The following IL12RB2 variants were observed in gnomAD, a reference collection of about 807,000 sequenced individuals.
IL12RB2 encodes the protein interleukin-12 receptor subunit beta-2.
Under a neutral mutation model 89.4 loss-of-function variants are expected in IL12RB2, and 82 were observed. The ratio of observed to expected loss-of-function variants is 0.92; its 90% CI spans 0.77 to 1.10. The LOEUF (loss-of-function observed/expected upper bound fraction) is 1.10. Ranked by LOEUF, IL12RB2 falls within the 50% of genes least tolerant of loss-of-function variation. The probability of loss-of-function intolerance (pLI) is 0.00; values close to 1 mark genes in which losing one functional copy is unlikely to be tolerated. For missense variants in IL12RB2, 963 were observed against 1,031.9 expected (o/e 0.93, Z 0.92); for synonymous variants, 368 against 370.1 (o/e 0.99, Z 0.07).
rs953951923 is a variant in IL12RB2, at chr1:67,398,090, G to A, written c.*2001G>A. On this transcript the variant is annotated 3_prime_UTR_variant, in exon 17 of 17. Coordinates refer to ENST00000674203, the MANE Select transcript of IL12RB2 (RefSeq NM_001374259.2). Reference sequence around the variant, plus strand: ...CAGGCTTTTTTTGAAAAGTTCCTTCGTTTCTATTTCTATTCCACTCTATTT... The same window carrying A: ...CAGGCTTTTTTTGAAAAGTTCCTTCATTTCTATTTCTATTCCACTCTATTT... Among the ~76,000 whole-genome samples the A allele has an allele frequency of 7.9e-5, 12 of 151,912 alleles. No homozygotes were observed. Among genetic ancestry groups the A allele is most frequent in the Admixed American group, 2.0e-4 (3 of 15,236 alleles).
intron 10 of IL12RB2, among the ~76,000 whole-genome samples, chr1:67,360,924 C>A (rs1332050394): frequency 1.3e-5 from 2 of 152,080 alleles, no homozygotes; most frequent in Non-Finnish European, 2.9e-5. Flanking sequence ...AGGAACATAT[C>A]TAATTCCATC....
chr1:67,341,478 G>A, intron 9 of IL12RB2, among the ~76,000 whole-genome samples: 1 of 50,614 alleles, frequency 2.0e-5, no homozygotes, highest in Non-Finnish European at 5.6e-5. Flanking sequence ...GAAGGAAGGA[G>A]AAAGAGAAAA....
Position 67,390,124 on chromosome 1 carries a change from C to A in IL12RB2, c.2042C>A (p.Ala681Glu). The A allele has an allele frequency of 9.0e-7, 1 of 1,113,538 alleles. No homozygotes were observed. The highest frequency in any genetic ancestry group is 1.4e-6 in the Non-Finnish European group (1 of 722,032). The allele number at this position is 1,113,538 out of a possible 1,614,324, so 69.0% of individuals were successfully genotyped here. ...ACTTGCGCTAAGAAATATCCCATTG[C>A]AGAGGTAAGGTACAATTCCTCTGTG... ...NSTCAKKYPI[A>E]EEKTQLPLDR... The change falls in exon 16 of 17, where the codon GCA (alanine) becomes GAA (glutamate). Residue 681 changes from alanine (A) to glutamate (E), a missense_variant. Coordinates refer to ENST00000674203, the MANE Select transcript of IL12RB2 (RefSeq NM_001374259.2).
intron 3 of IL12RB2, among the ~76,000 whole-genome samples, chr1:67,321,093 G>A (rs377508498): frequency 1.1e-4 from 17 of 151,912 alleles, no homozygotes; most frequent in African/African-American, 3.9e-4. Context: ...GACAGGGTCT[G>A]GCTCTGTTGC....
chr1:67,376,342 G>A (rs896708201), intron 13 of IL12RB2, among the ~76,000 whole-genome samples: 1 of 152,184 alleles, frequency 6.6e-6, no homozygotes, highest in African/African-American at 2.4e-5. Flanking sequence ...TACGCTTTGT[G>A]AAATCCAATG....
chr1:67,311,949 T>C (rs1459896625), intron 1 of IL12RB2, among the ~76,000 whole-genome samples: 1 of 152,210 alleles, frequency 6.6e-6, no homozygotes, highest in Non-Finnish European at 1.5e-5. Flanking sequence ...GCCAGGACTT[T>C]GCAATACCCA....
At chr1:67,394,302 G>A (rs939282475) in intron 16 of IL12RB2, among the ~76,000 whole-genome samples, 2 of 152,090 alleles carry the variant, frequency 1.3e-5, no homozygotes, top group African/African-American at 4.8e-5. Context: ...AGATCAGGCA[G>A]CCAGTGTGTA....
intron 8 of IL12RB2, among the ~76,000 whole-genome samples, chr1:67,333,789 C>T (rs1300639010): frequency 6.6e-6 from 1 of 152,202 alleles, no homozygotes; most frequent in East Asian, 1.9e-4. Flanking sequence ...GGTGTCCAGA[C>T]ATGCCTGAGA....
At chr1:67,385,110 T>C (rs1665000305) in intron 14 of IL12RB2, among the ~76,000 whole-genome samples, 1 of 152,212 alleles carries the variant, frequency 6.6e-6, no homozygotes, top group African/African-American at 2.4e-5. Context: ...ATGGTACCAA[T>C]TTACTTACTA....
chr1:67,355,875 C>T (rs1661339594), intron 10 of IL12RB2, among the ~76,000 whole-genome samples: 1 of 152,162 alleles, frequency 6.6e-6, no homozygotes, highest in Non-Finnish European at 1.5e-5. Flanking sequence ...TAGGTTGGTT[C>T]CTGGCAAGTG....
chr1:67,319,010 A>G (rs1354510789), intron 2 of IL12RB2, among the ~76,000 whole-genome samples: 3 of 152,230 alleles, frequency 2.0e-5, no homozygotes, highest in Non-Finnish European at 4.4e-5. Flanking sequence ...AATGATGGCT[A>G]GGCTAGAGGT....
rs752499097 is a variant in IL12RB2 at position 67,321,660 on chromosome 1, C to T, written c.135C>T (p.Ser45=). The T allele has an allele frequency of 6.2e-7, 1 of 1,601,074 alleles. No individual in the cohort carries two copies. Among genetic ancestry groups the T allele is most frequent in the Non-Finnish European group, 8.6e-7 (1 of 1,168,164 alleles). The stretch of plus-strand genomic sequence containing the variant: ...CTTCCCATGTAATTTTACTTGGATC[C>T]ACTGTCAATATTACATGCTCTTTGA... The part of the protein sequence containing the change: ...VKPSHVILLG[S]TVNITCSLKP... Residue 45 remains serine, a synonymous_variant, in exon 4 of 17, where the codon TCC becomes TCT. Transcript: ENST00000674203.
intron 2 of IL12RB2, among the ~76,000 whole-genome samples, chr1:67,318,221 G>A (rs554314395): frequency 2.0e-4 from 31 of 152,332 alleles, no homozygotes; most frequent in African/African-American, 7.5e-4. Context: ...AAATGTAAGC[G>A]ATGATGGCAA....
intron 14 of IL12RB2, among the ~76,000 whole-genome samples, chr1:67,386,201 T>A (rs1412613717): frequency 3.6e-5 from 3 of 84,050 alleles, no homozygotes; most frequent in Non-Finnish European, 6.2e-5. Context: ...ACAGTGAGAC[T>A]CCATCTCAAA....
intron 11 of IL12RB2, 30 bp downstream of exon 11, chr1:67,368,055 G>T: frequency 2.9e-6 from 4 of 1,384,654 alleles, no homozygotes; most frequent in Non-Finnish European, 4.1e-6. Flanking sequence ...CCTTCTAGAG[G>T]GTTACTAAGT....
chr1:67,374,777 CTTTTTTTTTTTT>C (rs35122967), intron 13 of IL12RB2, among the ~76,000 whole-genome samples: 21 of 53,840 alleles, frequency 3.9e-4, no homozygotes, highest in African/African-American at 1.4e-3. Flanking sequence ...AGCCCAGCCT[CTTTTTTTTTTTT>C]TTTTTTTTTT....
intron 13 of IL12RB2, among the ~76,000 whole-genome samples, chr1:67,375,775 T>TCTGGAAG (rs1231022097): frequency 6.6e-6 from 1 of 152,110 alleles, no homozygotes; most frequent in Non-Finnish European, 1.5e-5. Flanking sequence ...CAGCCACTCC[T>TCTGGAAG]CTGGAAGCTT....
intron 1 of IL12RB2, among the ~76,000 whole-genome samples, chr1:67,308,323 A>C (rs1654552542): frequency 6.6e-6 from 1 of 151,920 alleles, no homozygotes; most frequent in Admixed American, 6.6e-5. Flanking sequence ...CGGCGACTGG[A>C]AAAGGGCAGA....
intron 10 of IL12RB2, among the ~76,000 whole-genome samples, chr1:67,363,398 T>C (rs1028852615): frequency 9.9e-5 from 15 of 151,290 alleles, no homozygotes; most frequent in Non-Finnish European, 1.6e-4. Flanking sequence ...GTATTTTTAG[T>C]AGAGACGGGG....
Sources: allele counts gnomAD v4.1 joint callset (sites outside exome capture counted in the v4.1 genomes callset), GRCh38; gene constraint gnomAD v4.1.1; transcripts MANE v1.5; gene names NCBI Gene and HGNC (gene_info 2026-07-23, HGNC 2026-07-21).